The following NFATC1 variants were observed in gnomAD, a reference collection of about 807,000 sequenced individuals.
The protein encoded by NFATC1 is nuclear factor of activated T-cells, cytoplasmic 1.
NFATC1 carries 22 observed loss-of-function variants against 76.0 expected under a neutral mutation model. That is an observed-to-expected ratio of 0.29 (90% CI 0.21 to 0.41). NFATC1 has a LOEUF of 0.41. NFATC1 is among the 10% of genes least tolerant of loss of function. The pLI is 1.00. For synonymous variants in NFATC1, 704 were observed against 613.1 expected (o/e 1.15, Z -2.19); for missense variants, 1,357 against 1,337.7 (o/e 1.01, Z -0.23).
intron 3 of NFATC1, among the ~76,000 whole-genome samples, chr18:79,441,504 C>T (rs903757667): frequency 4.6e-5 from 7 of 152,228 alleles, no homozygotes; most frequent in Admixed American, 4.6e-4. Flanking sequence ...TGCCGGTCCT[C>T]AGGCCACCCT....
intron 2 of NFATC1, 107 bp from the exon 3 acceptor site, chr18:79,433,472 C>G: frequency 1.5e-6 from 2 of 1,329,572 alleles, no homozygotes; most frequent in South Asian, 1.2e-5. Context: ...GACGTGCACT[C>G]GCCGATGAAG....
intron 3 of NFATC1, among the ~76,000 whole-genome samples, chr18:79,440,447 A>G (rs1233008952): frequency 1.3e-5 from 2 of 152,078 alleles, no homozygotes; most frequent in Admixed American, 6.5e-5. Context: ...AGCAGCAATC[A>G]CCCCGTGGGG....
intron 9 of NFATC1, chr18:79,515,965 A>G (rs1343175291): frequency 2.6e-5 from 4 of 151,352 alleles, no homozygotes; most frequent in Non-Finnish European, 5.9e-5. Context: ...TGCAGATAAG[A>G]CGGACTAGAT....
intron 9 of NFATC1, among the ~76,000 whole-genome samples, chr18:79,520,436 C>T (rs2090491019): frequency 1.3e-5 from 2 of 151,900 alleles, no homozygotes; most frequent in African/African-American, 4.8e-5. Context: ...CTGCCTCCCC[C>T]ACCCCCACAT....
In NFATC1 at chr18:79,447,778, A is replaced by G. The variant is rs553734727; in HGVS notation, c.1387-1004A>G. 5.9e-5 allele frequency among the ~76,000 whole-genome samples: 9 copies of G among 152,364 alleles called. 1 individual carries two copies. Among genetic ancestry groups the G allele is most frequent in the Admixed American group, 2.0e-4 (3 of 15,310 alleles). On this transcript the variant is annotated intron_variant, in intron 3 of 9. Transcript: ENST00000427363. ...CCTCTTGCATATGGAATCAGACTATAGTGATTGTAAATGGTAGCGTTAAAG... is the reference window on the plus strand; with the variant it reads ...CCTCTTGCATATGGAATCAGACTATGGTGATTGTAAATGGTAGCGTTAAAG...
At position 79,500,726 on chromosome 18, in the gene NFATC1, T is replaced by C. The variant is rs556354502; in HGVS notation, c.2782+13789T>C. On this transcript the variant is annotated intron_variant, in intron 9 of 9. Coordinates refer to ENST00000427363, the MANE Select transcript of NFATC1 (RefSeq NM_001278669.2). ...GTTATAAGGGAATACTATAACCTTA[T>C]GCCAACAGATTAAACAACCTGGATG... Among the ~76,000 whole-genome samples, 292 of 152,306 alleles carry C rather than the reference T, an allele frequency of 1.9e-3. 1 individual carries two copies. The highest frequency in any genetic ancestry group is 3.6e-3 in the Non-Finnish European group (242 of 68,006).
Position 79,451,696 on chromosome 18 carries a change from C to T in NFATC1, c.1783C>T (p.Leu595=). Residue 595 remains leucine (L), a synonymous_variant, in exon 6 of 10, where the codon CTG becomes TTG. Coordinates refer to ENST00000427363, the MANE Select transcript of NFATC1 (RefSeq NM_001278669.2). Reference sequence around the variant, plus strand: ...TGCAGCCCAGCGCTCAGCTCAGGAGCTGCCTCTGGTGGAGAAGCAGAGCAC... The same window carrying T: ...TGCAGCCCAGCGCTCAGCTCAGGAGTTGCCTCTGGTGGAGAAGCAGAGCAC... ...IECSQRSAQE[L]PLVEKQSTDS... 1 of 1,611,574 alleles carries T rather than the reference C, an allele frequency of 6.2e-7. No individual in the cohort carries two copies. The highest frequency in any genetic ancestry group is 2.2e-5 in the East Asian group (1 of 44,750).
intron 2 of NFATC1, among the ~76,000 whole-genome samples, chr18:79,433,115 G>A (rs570956980): frequency 1.8e-4 from 28 of 152,300 alleles, no homozygotes; most frequent in South Asian, 8.3e-4. Flanking sequence ...GGGGGCTGGC[G>A]GCGCTGCGCA....
chr18:79,417,243 G>C (rs1322759898), intron 2 of NFATC1, among the ~76,000 whole-genome samples: 1 of 117,412 alleles, frequency 8.5e-6, no homozygotes, highest in African/African-American at 3.3e-5. Flanking sequence ...GGTGGGAGAT[G>C]GGCTGTGGTG....
intron 2 of NFATC1, among the ~76,000 whole-genome samples, chr18:79,418,606 G>C (rs1200294942): frequency 6.6e-6 from 1 of 152,252 alleles, no homozygotes; most frequent in Non-Finnish European, 1.5e-5. Flanking sequence ...GCTCCCTGGA[G>C]AAGGCACTGC....
intron 9 of NFATC1, among the ~76,000 whole-genome samples, chr18:79,502,618 C>G (rs1395096449): frequency 6.6e-6 from 1 of 152,178 alleles, no homozygotes; most frequent in East Asian, 1.9e-4. Flanking sequence ...AGAACACTTA[C>G]AGCTCAATAA....
Position 79,461,386 on chromosome 18 carries a change from C to T in NFATC1, c.1959+20C>T, listed in dbSNP as rs1445357724. 3.1e-6 allele frequency: 5 copies of T among 1,613,930 alleles called. No individual in the cohort carries two copies. In the Admixed American group the frequency reaches 6.7e-5, roughly 22 times the overall value. ...AAGCCGGTGAGTGCCTTTGGCGCAG[C>T]TGGAGCTACTGTGGGTCCCCAGGGC... On this transcript the variant is annotated intron_variant, in intron 7 of 9. Transcript: ENST00000427363.
intron 8 of NFATC1, among the ~76,000 whole-genome samples, chr18:79,474,145 AAACCTG>A (rs2144977136): frequency 1.5e-5 from 2 of 131,878 alleles, no homozygotes; most frequent in South Asian, 2.4e-4. Flanking sequence ...TCGACGTTGT[AAACCTG>A]AGGGAAGCGT....
chr18:79,404,805 C>T (rs918340910), intron 1 of NFATC1, among the ~76,000 whole-genome samples: 6 of 152,090 alleles, frequency 3.9e-5, no homozygotes, highest in East Asian at 1.9e-4. Flanking sequence ...CTGGGAACTG[C>T]GTGTCGTGAG....
At chr18:79,476,347 G>A (rs1190733619) in intron 8 of NFATC1, among the ~76,000 whole-genome samples, 3 of 152,260 alleles carry the variant, frequency 2.0e-5, no homozygotes, top group South Asian at 2.1e-4. Flanking sequence ...TGAGTCACGC[G>A]CCCCACAGAA....
At chr18:79,475,093 G>GTTGTAAACC in intron 8 of NFATC1, among the ~76,000 whole-genome samples, 1 of 121,760 alleles carries the variant, frequency 8.2e-6, no homozygotes, top group Non-Finnish European at 1.6e-5. Context: ...CTCACTCGAC[G>GTTGTAAACC]TGAGGGAAGC....
At chr18:79,431,981 G>C (rs1278648525) in intron 2 of NFATC1, among the ~76,000 whole-genome samples, 1 of 152,202 alleles carries the variant, frequency 6.6e-6, no homozygotes, top group African/African-American at 2.4e-5. Flanking sequence ...GGTTACAGGC[G>C]TGAGCCACCA....
At chr18:79,466,178 G>T (rs2088484354) in intron 7 of NFATC1, among the ~76,000 whole-genome samples, 1 of 152,188 alleles carries the variant, frequency 6.6e-6, no homozygotes, top group Non-Finnish European at 1.5e-5. Flanking sequence ...TGGACCTCAA[G>T]TTGTCTTCAG....
At chr18:79,473,462 C>G (rs1450101989) in intron 8 of NFATC1, among the ~76,000 whole-genome samples, 1 of 148,934 alleles carries the variant, frequency 6.7e-6, no homozygotes, top group South Asian at 2.2e-4. Flanking sequence ...AGCTCATTGT[C>G]GACGTAAACC....
Sources: gnomAD v4.1 joint callset for allele counts (sites outside exome capture counted in the v4.1 genomes callset) on GRCh38, gnomAD v4.1.1 for gene constraint, MANE v1.5 for transcripts, NCBI Gene and HGNC (gene_info 2026-07-23, HGNC 2026-07-21) for gene names.